SYNPO2: variants seen among roughly 807,000 people sequenced by gnomAD.
SYNPO2 encodes the protein synaptopodin 2, also known as synaptopodin-2.
A neutral mutation model predicts 85.0 loss-of-function variants in SYNPO2; 56 were observed. The observed-to-expected ratio is 0.66, with a 90% CI of 0.53 to 0.82. The LOEUF (loss-of-function observed/expected upper bound fraction) is 0.82. SYNPO2 is among the 40% of genes least tolerant of loss of function. The pLI, the probability that SYNPO2 is intolerant of heterozygous loss-of-function variation, is 0.00. For missense variants in SYNPO2, 1,575 were observed against 1,534.2 expected (o/e 1.03, Z -0.44); for synonymous variants, 602 against 591.1 (o/e 1.02, Z -0.27).
intron 1 of SYNPO2, among the ~76,000 whole-genome samples, chr4:118,931,752 T>G (rs1485490925): frequency 6.6e-6 from 1 of 152,182 alleles, no homozygotes; most frequent in Non-Finnish European, 1.5e-5. Context: ...TTCCATTCCT[T>G]TGGCTAAATT....
Position 119,023,552 on chromosome 4 carries a change from A to G in SYNPO2, c.228A>G (p.Ile76Met). ...AAGTCATCAAGCTCATGGAAAGCATAACAGACTCTCTCCAAATGCTCATCA... is the reference window on the plus strand; with the variant it reads ...AAGTCATCAAGCTCATGGAAAGCATGACAGACTCTCTCCAAATGCTCATCA... ...YPEVIKLMESITDSLQMLIKR... is the reference protein window; with the variant it reads ...YPEVIKLMESMTDSLQMLIKR... The change falls in exon 2 of 5, where the codon ATA (isoleucine) becomes ATG (methionine). Residue 76 changes from isoleucine to methionine, a missense_variant. Coordinates refer to ENST00000307142, the MANE Select transcript of SYNPO2 (RefSeq NM_133477.3). 6.2e-7 allele frequency: 1 copy of G among 1,613,684 alleles called. No homozygotes were observed. The highest frequency in any genetic ancestry group is 2.2e-5 in the East Asian group (1 of 44,860).
chr4:118,902,600 A>G (rs1196089919), intron 1 of SYNPO2, among the ~76,000 whole-genome samples: 1 of 152,216 alleles, frequency 6.6e-6, no homozygotes, highest in Non-Finnish European at 1.5e-5. Context: ...CTACAATTCA[A>G]GATGAGATTT....
At chr4:118,886,104 C>G (rs562471789), upstream of SYNPO2, among the ~76,000 whole-genome samples, 1 of 152,098 alleles carries the variant, frequency 6.6e-6, no homozygotes, top group Non-Finnish European at 1.5e-5. Flanking sequence ...GCCCAAGAAG[C>G]CTAAGGGAGA....
At chr4:118,975,570 G>A (rs114254851) in intron 1 of SYNPO2, among the ~76,000 whole-genome samples, 3,340 of 152,282 alleles carry the variant, frequency 0.022, 53 homozygotes, top group Middle Eastern at 0.12. Context: ...CCCCAGGAAG[G>A]AGGAGGAGGT....
chr4:118,943,319 T>C (rs1734384349), intron 1 of SYNPO2, among the ~76,000 whole-genome samples: 1 of 152,126 alleles, frequency 6.6e-6, no homozygotes, highest in Non-Finnish European at 1.5e-5. Flanking sequence ...CATTGCAAGC[T>C]ACAAGAGAGG....
intron 1 of SYNPO2, among the ~76,000 whole-genome samples, chr4:118,979,159 A>C (rs1179030973): frequency 6.6e-6 from 1 of 152,164 alleles, no homozygotes; most frequent in Non-Finnish European, 1.5e-5. Flanking sequence ...AAACACCCCT[A>C]GAATATGGCT....
chr4:118,985,938 C>T (rs1736201607), intron 1 of SYNPO2, among the ~76,000 whole-genome samples: 2 of 152,198 alleles, frequency 1.3e-5, no homozygotes, highest in Admixed American at 6.5e-5. Context: ...ATTTAGCCCT[C>T]CGATGTGAAC....
intron 1 of SYNPO2, among the ~76,000 whole-genome samples, chr4:118,958,288 C>T (rs538008876): frequency 2.0e-5 from 3 of 152,070 alleles, no homozygotes; most frequent in South Asian, 2.1e-4. Context: ...GGGTTGGGGG[C>T]GGGGTGATTT....
intron 4 of SYNPO2, among the ~76,000 whole-genome samples, chr4:119,044,349 A>G (rs939005994): frequency 6.6e-6 from 1 of 152,240 alleles, no homozygotes; most frequent in Non-Finnish European, 1.5e-5. Context: ...ATGAAATGAC[A>G]TACATGAAAT....
intron 1 of SYNPO2, among the ~76,000 whole-genome samples, chr4:119,007,158 G>GCACA (rs1156526106): frequency 2.5e-5 from 3 of 122,002 alleles, no homozygotes; most frequent in Non-Finnish European, 1.8e-5. Context: ...ACACACACAC[G>GCACA]CACACACACA....
At chr4:118,879,434 A>C (rs1055911046) in intron 1 of SYNPO2, among the ~76,000 whole-genome samples, 3 of 152,160 alleles carry the variant, frequency 2.0e-5, no homozygotes, top group African/African-American at 7.2e-5. Flanking sequence ...GCTCATGAGG[A>C]TAGAGCCCTT....
In SYNPO2 at chr4:119,031,068, G is replaced by A; in HGVS notation, c.2293G>A (p.Val765Ile). ...TCCTCCTGTTGCTCCAAAACCTGCA[G>A]TCAAGTCCTCATCCTCCCAACCAGT... ...TPPPVAPKPA[V>I]KSSSSQPVTP... Residue 765 changes from valine to isoleucine, a missense_variant, in exon 4 of 5, where the codon GTC (valine) becomes ATC (isoleucine). Val to Ile is a conservative substitution (Grantham distance 29). Transcript: ENST00000307142. The A allele has an allele frequency of 6.2e-7, 1 of 1,614,098 alleles. No homozygotes were observed.
intron 1 of SYNPO2, among the ~76,000 whole-genome samples, chr4:118,853,199 C>CCA (rs1731449343): frequency 6.6e-6 from 1 of 152,152 alleles, no homozygotes; most frequent in Admixed American, 6.5e-5. Context: ...TTGTATTTTC[C>CCA]TTTCAGCTCA....
chr4:119,042,435 G>C (rs1738745459), intron 4 of SYNPO2: 1 of 151,926 alleles, frequency 6.6e-6, no homozygotes, highest in East Asian at 1.9e-4. Flanking sequence ...TTGGCTGTTG[G>C]GCCCTAGACT....
intron 1 of SYNPO2, among the ~76,000 whole-genome samples, chr4:118,880,103 C>T (rs1011599850): frequency 6.6e-6 from 1 of 152,140 alleles, no homozygotes; most frequent in Admixed American, 6.5e-5. Flanking sequence ...CCTTCTTTTC[C>T]TGCTCAGCAA....
At chr4:119,026,421 T>C (rs977178975) in intron 2 of SYNPO2, among the ~76,000 whole-genome samples, 7 of 152,206 alleles carry the variant, frequency 4.6e-5, no homozygotes, top group African/African-American at 1.4e-4. Flanking sequence ...AGTTTCTTTG[T>C]GCTTTTAAAA....
upstream of SYNPO2, among the ~76,000 whole-genome samples, chr4:118,887,093 C>T (rs1732211563): frequency 2.0e-5 from 3 of 152,088 alleles, no homozygotes; most frequent in African/African-American, 7.3e-5. Flanking sequence ...TCCAGGTCCT[C>T]TGGTTTCCTG....
chr4:119,037,523 G>T (rs919888283), intron 4 of SYNPO2: 1 of 1,000,180 alleles, frequency 1.0e-6, no homozygotes, highest in Non-Finnish European at 1.2e-6. Context: ...TTTATTTGGT[G>T]CAATAATCAA....
intron 4 of SYNPO2, chr4:119,037,039 A>G: frequency 4.2e-6 from 6 of 1,418,588 alleles, no homozygotes; most frequent in Non-Finnish European, 5.5e-6. Flanking sequence ...TTCCAAATGT[A>G]AAGCTCCTTG....
Sources: allele counts gnomAD v4.1 joint callset (sites outside exome capture counted in the v4.1 genomes callset), GRCh38; gene constraint gnomAD v4.1.1; transcripts MANE v1.5; gene names NCBI Gene and HGNC (gene_info 2026-07-23, HGNC 2026-07-21).